The following STAT1 variants were observed in gnomAD, a reference collection of about 807,000 sequenced individuals.
STAT1 encodes signal transducer and activator of transcription 1-alpha/beta.
Under a neutral mutation model 111.7 loss-of-function variants are expected in STAT1, and 24 were observed. The observed-to-expected ratio is 0.21, with a 90% confidence interval of 0.16 to 0.30. STAT1 has a LOEUF of 0.30. Among genes scored for constraint, STAT1 ranks in the 10% least tolerant of loss-of-function variants. The probability of loss-of-function intolerance (pLI) is 1.00; values close to 1 mark genes in which losing one functional copy is unlikely to be tolerated. For missense variants in STAT1, 351 were observed against 911.9 expected, an observed-to-expected ratio of 0.38 and a Z score of 7.92; for synonymous variants, 332 against 326.5, an observed-to-expected ratio of 1.02 and a Z score of -0.18.
rs1200693470 is a variant in STAT1, at chr2:190,996,894, C to T, written c.785+962G>A. ...GCTAATAGTATTCCAACTGGTCTTT[C>T]TGTCTCTATCCTATCCTCCAGGCTG... On this transcript the variant is annotated intron_variant, in intron 9 of 24. Coordinates refer to ENST00000361099, the MANE Select transcript of STAT1 (RefSeq NM_007315.4). The surrounding 1 kb of genome is among the most constrained non-coding windows in gnomAD (Gnocchi z 4.5). 6.6e-6 allele frequency among the ~76,000 whole-genome samples: 1 copy of T among 152,206 alleles called. No homozygotes were observed. Among genetic ancestry groups the T allele is most frequent in the African/African-American group, 2.4e-5 (1 of 41,454 alleles).
rs763588438 is a variant in STAT1 at position 191,001,090 on chromosome 2, A to C, written c.446T>G (p.Val149Gly). 1 of 1,613,572 alleles carries C rather than the reference A, an allele frequency of 6.2e-7. No homozygotes were observed. The highest frequency in any genetic ancestry group is 8.5e-7 in the Non-Finnish European group (1 of 1,179,490). The change falls in exon 6 of 25, where the codon GTG (valine) becomes GGG (glycine). Residue 149 changes from valine to glycine, a missense_variant. Around this residue, in one of 7 missense-constraint regions of STAT1, gnomAD observed 67 missense variants for 158.9 expected, o/e 0.42. Transcript: ENST00000361099. The part of the protein sequence containing the change: ...QKELDSKVRN[V>G]KDKVMCIEHE... Reference sequence around the variant, plus strand: ...AATACTCACCATAACCTTGTCCTTCACATTTCTGACTTTACTGTCAAGCTC... The same window carrying C: ...AATACTCACCATAACCTTGTCCTTCCCATTTCTGACTTTACTGTCAAGCTC...
At chr2:191,013,034 G>C (rs1008418867) in intron 2 of STAT1, among the ~76,000 whole-genome samples, 1 of 152,152 alleles carries the variant, frequency 6.6e-6, no homozygotes, top group Non-Finnish European at 1.5e-5. Context: ...GGTGGGGAGG[G>C]GGTAGAGTAG....
Position 190,999,320 on chromosome 2 carries a change from CT to C in STAT1, c.541+305del, listed in dbSNP as rs967824119. Among the ~76,000 whole-genome samples the C allele has an allele frequency of 2.6e-5, 4 of 152,080 alleles. No individual in the cohort carries two copies. The highest frequency in any genetic ancestry group is 4.4e-5 in the Non-Finnish European group (3 of 68,000). Reference sequence around the variant, plus strand: ...GTAGGGGTCACTGACCCCTAGGGGACTTTTGGCAATCTCTGGAGACAGTTTT... The same window carrying C: ...GTAGGGGTCACTGACCCCTAGGGGACTTTGGCAATCTCTGGAGACAGTTTT... On this transcript the variant is annotated intron_variant, in intron 7 of 24. Transcript: ENST00000361099. This position sits in a 1 kb window ranked among gnomAD's most constrained non-coding sequence, Gnocchi z 4.1.
At position 190,999,914 on chromosome 2, in the gene STAT1, C is replaced by A. The variant is rs546143583; in HGVS notation, c.463-210G>T. On this transcript the variant is annotated intron_variant, in intron 6 of 24. Transcript: ENST00000361099. The surrounding 1 kb of genome is among the most constrained non-coding windows in gnomAD (Gnocchi z 4.1). ...GTCATAACATTTTTAAAAAAGCAAA[C>A]GTACAATAATTCTCAAACTGATTTG... Among the ~76,000 whole-genome samples, 66 of 152,276 alleles carry A rather than the reference C, an allele frequency of 4.3e-4. No homozygotes were observed. The highest frequency in any genetic ancestry group is 1.4e-3 in the African/African-American group (60 of 41,560).
chr2:190,971,925 C>A lies in STAT1; in HGVS notation c.2239-1208G>T, dbSNP rs539990206. On this transcript the variant is annotated intron_variant, in intron 24 of 24. Transcript: ENST00000361099. This position sits in a 1 kb window ranked among gnomAD's most constrained non-coding sequence, Gnocchi z 4.1. ...ATGGGGTTTCACCGTGTTGGCCAGG[C>A]TGGTCTCAAACTCCTGATCGCAGGT... Among the ~76,000 whole-genome samples the A allele has an allele frequency of 2.1e-3, 314 of 152,096 alleles. 2 individuals carry two copies. The highest frequency in any genetic ancestry group is 2.9e-3 in the Non-Finnish European group (200 of 68,022).
Position 190,976,905 on chromosome 2 carries a change from T to C in STAT1, c.1994A>G (p.Lys665Arg). 1 of 1,614,220 alleles carries C rather than the reference T, an allele frequency of 6.2e-7. No homozygotes were observed. The highest frequency in any genetic ancestry group is 8.5e-7 in the Non-Finnish European group (1 of 1,180,022). Reference sequence around the variant, plus strand: ...TTTGTCAATATTTGGATACAGATACTTCAGGGGATTCTCAGGAATATTCTC... The same window carrying C: ...TTTGTCAATATTTGGATACAGATACCTCAGGGGATTCTCAGGAATATTCTC... ...AAENIPENPL[K>R]YLYPNIDKDH... is the part of the protein sequence containing the mutation. Residue 665 changes from lysine to arginine, a missense_variant, in exon 22 of 25, where the codon AAG becomes AGG. By Grantham distance (26) the Lys-to-Arg change is conservative (BLOSUM62 2). This residue lies in a region of STAT1 where 181 missense variants were observed against 426.1 expected (regional missense o/e 0.42). Coordinates refer to ENST00000361099, the MANE Select transcript of STAT1 (RefSeq NM_007315.4). The surrounding 1 kb of genome is among the most constrained non-coding windows in gnomAD (Gnocchi z 6.0).
At chr2:191,002,377 T>A (rs1318686654) in intron 5 of STAT1, among the ~76,000 whole-genome samples, 1 of 152,228 alleles carries the variant, frequency 6.6e-6, no homozygotes. Flanking sequence ...ATTGGCCTTT[T>A]TATTCATAAG....
At position 190,976,563 on chromosome 2, in the gene STAT1, C is replaced by G. The variant is rs558380474; in HGVS notation, c.2059+277G>C. 9.8e-5 allele frequency among the ~76,000 whole-genome samples: 15 copies of G among 152,292 alleles called. 1 individual carries two copies. In the South Asian group the frequency reaches 1.7e-3, roughly 17 times the overall value. ...GGTTTACCACAGTTCCTTATTTAAA[C>G]CCTTTTCATGTGGAAACAGTGATAG... On this transcript the variant is annotated intron_variant, in intron 22 of 24. Transcript: ENST00000361099. This position sits in a 1 kb window ranked among gnomAD's most constrained non-coding sequence, Gnocchi z 6.0.
rs1431483630 is a variant in STAT1, at chr2:190,980,386, A to C, written c.1632+234T>G. 6.6e-6 allele frequency among the ~76,000 whole-genome samples: 1 copy of C among 152,246 alleles called. No homozygotes were observed. The highest frequency in any genetic ancestry group is 1.9e-4 in the East Asian group (1 of 5,198). On this transcript the variant is annotated intron_variant, in intron 19 of 24. Coordinates refer to ENST00000361099, the MANE Select transcript of STAT1 (RefSeq NM_007315.4). This position sits in a 1 kb window ranked among gnomAD's most constrained non-coding sequence, Gnocchi z 6.1. ...TCCAGCGTGAGTGAACAGAAGCCTCATTTCAGATATGAAAGAATGTTATCA... is the reference window on the plus strand; with the variant it reads ...TCCAGCGTGAGTGAACAGAAGCCTCCTTTCAGATATGAAAGAATGTTATCA...
chr2:190,971,712 C>CT lies in STAT1; in HGVS notation c.2239-996dup, dbSNP rs1321379469. Among the ~76,000 whole-genome samples the CT allele has an allele frequency of 2.5e-4, 36 of 146,718 alleles. No homozygotes were observed. The highest frequency in any genetic ancestry group is 8.7e-4 in the South Asian group (4 of 4,624). On this transcript the variant is annotated intron_variant, in intron 24 of 24. Transcript: ENST00000361099. The surrounding 1 kb of genome is among the most constrained non-coding windows in gnomAD (Gnocchi z 4.1). ...TTATGTTTCTCTTTTCTTTTTCTTT[C>CT]TTTTTTTTTTTCAAATTGGAGACGG...
At chr2:190,994,337 C>A (rs574985145) in intron 10 of STAT1, among the ~76,000 whole-genome samples, 1 of 152,138 alleles carries the variant, frequency 6.6e-6, no homozygotes, top group African/African-American at 2.4e-5. Flanking sequence ...CTTGGATCAG[C>A]AGGTGATGAG....
In STAT1 at chr2:190,996,683, C is replaced by T. The variant is rs1361599854; in HGVS notation, c.785+1173G>A. 2.0e-5 allele frequency among the ~76,000 whole-genome samples: 3 copies of T among 152,202 alleles called. No homozygotes were observed. The highest frequency in any genetic ancestry group is 4.4e-5 in the Non-Finnish European group (3 of 68,040). On this transcript the variant is annotated intron_variant, in intron 9 of 24. Transcript: ENST00000361099. This position sits in a 1 kb window ranked among gnomAD's most constrained non-coding sequence, Gnocchi z 4.5. ...AAATCTGGGGTACCTACAGGCAATT[C>T]ACAGAACAAAAATAAATGGCTGAAT...
intron 2 of STAT1, among the ~76,000 whole-genome samples, chr2:191,011,164 A>G (rs189482857): frequency 6.6e-6 from 1 of 152,338 alleles, no homozygotes; most frequent in Admixed American, 6.5e-5. Context: ...TGGCCTATAA[A>G]GCTAGTTATC....
In STAT1 at chr2:191,003,694, TA is replaced by T. The variant is rs36014758; in HGVS notation, c.373-2532del. Among the ~76,000 whole-genome samples the T allele has an allele frequency of 0.37, 55,872 of 152,048 alleles. 10,880 individuals are homozygous for T. The highest frequency in any genetic ancestry group is 0.64 in the East Asian group (3,320 of 5,174). The stretch of plus-strand genomic sequence containing the variant: ...GCAGATGCCAGCACCATGCTTCCTG[TA>T]ACAGCCTGCAGAACCATAAGTCAAT... On this transcript the variant is annotated intron_variant, in intron 5 of 24. Coordinates refer to ENST00000361099, the MANE Select transcript of STAT1 (RefSeq NM_007315.4). The surrounding 1 kb of genome is among the most constrained non-coding windows in gnomAD (Gnocchi z 4.0).
Position 190,995,245 on chromosome 2 carries a change from C to G in STAT1, c.786-26G>C. On this transcript the variant is annotated intron_variant, in intron 9 of 24. Coordinates refer to ENST00000361099, the MANE Select transcript of STAT1 (RefSeq NM_007315.4). This position sits in a 1 kb window ranked among gnomAD's most constrained non-coding sequence, Gnocchi z 4.2. ...CTGGGAAGACACAAGACACAGATGT[C>G]TCTATGAGAAACAGTCCAGAAGCAG... 1 of 1,613,270 alleles carries G rather than the reference C, an allele frequency of 6.2e-7. No homozygotes were observed. The highest frequency in any genetic ancestry group is 8.5e-7 in the Non-Finnish European group (1 of 1,179,626).
rs944202913 is a variant in STAT1, at chr2:190,993,724, G to T, written c.944+1337C>A. Among the ~76,000 whole-genome samples the T allele has an allele frequency of 6.6e-6, 1 of 151,934 alleles. No individual in the cohort carries two copies. The highest frequency in any genetic ancestry group is 2.4e-5 in the African/African-American group (1 of 41,364). On this transcript the variant is annotated intron_variant, in intron 10 of 24. Coordinates refer to ENST00000361099, the MANE Select transcript of STAT1 (RefSeq NM_007315.4). This position sits in a 1 kb window ranked among gnomAD's most constrained non-coding sequence, Gnocchi z 4.1. ...TCTGCCCCCTGGAACGCAATCAGCA[G>T]CCGCTGCCACTCAGCTATTGCTTCC...
chr2:191,010,811 C>T (rs933487365), intron 2 of STAT1, among the ~76,000 whole-genome samples: 12 of 152,112 alleles, frequency 7.9e-5, no homozygotes, highest in African/African-American at 2.9e-4. Context: ...GATAAAGTAA[C>T]ACTTAGCTTT....
At position 191,004,446 on chromosome 2, in the gene STAT1, A is replaced by G. The variant is rs1242423888; in HGVS notation, c.372+3117T>C. On this transcript the variant is annotated intron_variant, in intron 5 of 24. Coordinates refer to ENST00000361099, the MANE Select transcript of STAT1 (RefSeq NM_007315.4). The surrounding 1 kb of genome is among the most constrained non-coding windows in gnomAD (Gnocchi z 5.0). ...GGGGGTCCTTTCCAATGGAGTGAGC[A>G]GTTGTCCAAGTAAGGGAATAGGCAC... is the stretch of plus-strand genomic sequence containing the variant. Among the ~76,000 whole-genome samples the G allele has an allele frequency of 1.3e-5, 2 of 152,212 alleles. No individual in the cohort carries two copies. Among genetic ancestry groups the G allele is most frequent in the Admixed American group, 1.3e-4 (2 of 15,280 alleles).
chr2:190,972,729 TTTTC>T (rs1422378341), intron 24 of STAT1, among the ~76,000 whole-genome samples: 1 of 151,224 alleles, frequency 6.6e-6, no homozygotes, highest in African/African-American at 2.4e-5. Context: ...TTTTCTTTTC[TTTTC>T]TTTTTTTTTT....
Sources: gnomAD v4.1 joint callset for allele counts (sites outside exome capture counted in the v4.1 genomes callset) on GRCh38, gnomAD v4.1.1 for gene constraint, gnomAD v4.1.1 regional missense constraint, Gnocchi (gnomAD v3.1) non-coding constraint, MANE v1.5 for transcripts, NCBI Gene and HGNC (gene_info 2026-07-23, HGNC 2026-07-21) for gene names.